Variants in STPG4 observed in about 807,000 individuals in gnomAD.
STPG4 encodes protein STPG4.
A neutral mutation model predicts 31.5 loss-of-function variants in STPG4; 41 were observed. That is an observed-to-expected ratio of 1.30 (90% CI 1.01 to 1.69). The LOEUF is 1.69. Among genes scored for constraint, STPG4 ranks in the 40% most tolerant of loss-of-function variants. The pLI is 0.00. For synonymous variants in STPG4, 141 were observed against 103.0 expected (o/e 1.37, Z -2.24); for missense variants, 375 against 293.4 (o/e 1.28, Z -2.03).
chr2:47,149,759 A>T (rs1686900118), intron 3 of STPG4, among the ~76,000 whole-genome samples: 1 of 152,234 alleles, frequency 6.6e-6, no homozygotes, highest in Non-Finnish European at 1.5e-5. Context: ...TTATTTATAA[A>T]TGGGAAATAT....
At chr2:47,088,379 G>C (rs895360612) in intron 6 of STPG4, among the ~76,000 whole-genome samples, 2 of 152,220 alleles carry the variant, frequency 1.3e-5, no homozygotes, top group South Asian at 2.1e-4. Context: ...ACATATTCTT[G>C]AAGTCCGAAG....
chr2:47,094,795 G>T (rs1412085953), intron 5 of STPG4, among the ~76,000 whole-genome samples: 1 of 152,218 alleles, frequency 6.6e-6, no homozygotes. Flanking sequence ...GACTTTCCTG[G>T]AGAGCTCCTA....
chr2:47,131,602 A>G (rs1263356455), intron 3 of STPG4, among the ~76,000 whole-genome samples: 3 of 152,216 alleles, frequency 2.0e-5, no homozygotes, highest in Non-Finnish European at 4.4e-5. Context: ...AACCACTGTC[A>G]TCAGTGCTAA....
At chr2:47,108,148 C>G (rs538897202) in intron 5 of STPG4, among the ~76,000 whole-genome samples, 2 of 151,434 alleles carry the variant, frequency 1.3e-5, no homozygotes, top group South Asian at 2.1e-4. Flanking sequence ...TTATGTCTAG[C>G]TCAGGGATTG....
chr2:47,090,240 G>C (rs79866388), intron 6 of STPG4, 30 bp downstream of exon 6: 11 of 1,456,608 alleles, frequency 7.6e-6, no homozygotes, highest in Non-Finnish European at 1.0e-5. Context: ...CCCTAGGGGT[G>C]GGGGGCGATC....
chr2:47,126,019 A>G lies in STPG4; in HGVS notation c.519+3922T>C, dbSNP rs185432912. ...TGTATTCTTGGCACCTGTGTCAAAA[A>G]TGAGTTCACTGTAGATATATGGATT... On this transcript the variant is annotated intron_variant, in intron 5 of 6. Transcript: ENST00000445927. Among the ~76,000 whole-genome samples, 3 of 152,332 alleles carry G rather than the reference A, an allele frequency of 2.0e-5. No individual in the cohort carries two copies. In the East Asian group the frequency reaches 5.8e-4, roughly 29 times the overall value.
intron 3 of STPG4, among the ~76,000 whole-genome samples, chr2:47,132,193 G>A (rs899973178): frequency 2.9e-4 from 44 of 151,424 alleles, no homozygotes; most frequent in African/African-American, 1.0e-3. Context: ...GAAGATATGT[G>A]AAGGAAGGTA....
At position 47,152,965 on chromosome 2, in the gene STPG4, C is replaced by T. The variant is rs377141569; in HGVS notation, c.133G>A (p.Ala45Thr). 45 of 1,609,076 alleles carry T rather than the reference C, an allele frequency of 2.8e-5. No homozygotes were observed. The African/African-American group carries it at 4.4e-4, about 16-fold the overall frequency. ...SFEREGWWRIALTDTPIPGTY... is the reference protein window; with the variant it reads ...SFEREGWWRITLTDTPIPGTY... ...CTGAACAATGTACATACTGTTAATG[C>T]TATTCTCCACCATCCTTCTCTTTCA... Residue 45 changes from alanine (A) to threonine (T), a missense_variant, in exon 2 of 7, where the codon GCA becomes ACA. Ala to Thr is a moderately conservative substitution (Grantham distance 58). Transcript: ENST00000445927.
chr2:47,146,828 T>C (rs983185553), intron 3 of STPG4, among the ~76,000 whole-genome samples: 2 of 149,964 alleles, frequency 1.3e-5, no homozygotes, highest in African/African-American at 4.9e-5. Flanking sequence ...GGGGAGGAAG[T>C]GTAGGAGGTT....
chr2:47,148,107 A>G lies in STPG4; in HGVS notation c.399+3151T>C, dbSNP rs941216273. On this transcript the variant is annotated intron_variant, in intron 3 of 6. Transcript: ENST00000445927. ...GCTGGGATTACAGGCCTGTGCCACA[A>G]TGCCCAGCTAATTTTTGTATTTTTC... Among the ~76,000 whole-genome samples the G allele has an allele frequency of 3.7e-4, 57 of 152,018 alleles. 1 individual carries two copies. The highest frequency in any genetic ancestry group is 3.3e-3 in the Admixed American group (51 of 15,264).
chr2:47,110,755 A>G (rs564556325), intron 5 of STPG4, among the ~76,000 whole-genome samples: 1 of 152,312 alleles, frequency 6.6e-6, no homozygotes, highest in South Asian at 2.1e-4. Context: ...ATCACAATAC[A>G]TATCTCAATT....
chr2:47,098,815 A>C (rs748314410), intron 5 of STPG4, among the ~76,000 whole-genome samples: 7 of 151,488 alleles, frequency 4.6e-5, no homozygotes, highest in Non-Finnish European at 1.0e-4. Flanking sequence ...AGGTGGGTAC[A>C]GAGAAAAGCT....
chr2:47,096,176 C>T (rs1200987195), intron 5 of STPG4, among the ~76,000 whole-genome samples: 2 of 152,178 alleles, frequency 1.3e-5, no homozygotes, highest in Non-Finnish European at 2.9e-5. Context: ...CACATCCTAG[C>T]AAGGAAGGCA....
intron 3 of STPG4, 41 bp from the exon 4 acceptor site, chr2:47,130,301 T>C (rs773813552): frequency 1.2e-5 from 19 of 1,523,512 alleles, no homozygotes; most frequent in Non-Finnish European, 1.5e-5. Context: ...TTAATAGAGG[T>C]TGTAAACTCA....
intron 3 of STPG4, among the ~76,000 whole-genome samples, chr2:47,130,572 G>C (rs1002994655): frequency 6.6e-6 from 1 of 152,144 alleles, no homozygotes; most frequent in African/African-American, 2.4e-5. Context: ...CTGGAGTGCA[G>C]TGGCGTGATT....
intron 3 of STPG4, among the ~76,000 whole-genome samples, chr2:47,145,908 G>A (rs555752721): frequency 9.8e-5 from 15 of 152,290 alleles, no homozygotes; most frequent in South Asian, 2.1e-4. Context: ...GATCTGAAGC[G>A]TTGAATAGTA....
At chr2:47,148,130 T>C (rs1686863824) in intron 3 of STPG4, among the ~76,000 whole-genome samples, 1 of 152,038 alleles carries the variant, frequency 6.6e-6, no homozygotes, top group African/African-American at 2.4e-5. Flanking sequence ...TTTTGTATTT[T>C]TCTTATAGTA....
At chr2:47,093,563 A>G (rs1184829330) in intron 5 of STPG4, among the ~76,000 whole-genome samples, 1 of 152,176 alleles carries the variant, frequency 6.6e-6, no homozygotes, top group African/African-American at 2.4e-5. Flanking sequence ...CAGAATGGCT[A>G]AGGAGCGACC....
intron 5 of STPG4, among the ~76,000 whole-genome samples, chr2:47,104,317 G>A (rs544257696): frequency 8.5e-5 from 13 of 152,082 alleles, no homozygotes; most frequent in East Asian, 3.9e-4. Flanking sequence ...GAAAGCTCAC[G>A]GCTTAGTAAG....
Sources: gnomAD v4.1 joint callset for allele counts (sites outside exome capture counted in the v4.1 genomes callset) on GRCh38, gnomAD v4.1.1 for gene constraint, MANE v1.5 for transcripts, NCBI Gene and HGNC (gene_info 2026-07-23, HGNC 2026-07-21) for gene names.